Variants in PDXDC1 observed in about 807,000 individuals in gnomAD.
The protein encoded by PDXDC1 is pyridoxal dependent decarboxylase domain containing 1.
In PDXDC1, 42 loss-of-function variants were observed where a neutral mutation model predicts 100.1. The ratio of observed to expected loss-of-function variants is 0.42; its 90% CI spans 0.33 to 0.54. The LOEUF is 0.54. PDXDC1 is among the 20% of genes least tolerant of loss of function. The pLI, the probability that PDXDC1 is intolerant of heterozygous loss-of-function variation, is 0.10. For missense variants in PDXDC1, 636 were observed against 979.2 expected, an observed-to-expected ratio of 0.65 and a Z score of 4.68; for synonymous variants, 260 against 371.7, an observed-to-expected ratio of 0.70 and a Z score of 3.46.
chr16:15,029,644 A>G (rs1365712217), intron 15 of PDXDC1: 1 of 507,560 alleles, frequency 2.0e-6, no homozygotes, highest in Non-Finnish European at 3.4e-6. Flanking sequence ...CACTAGGAGA[A>G]AAGACGCTGG....
chr16:15,131,576 G>C (rs565034294), intron 16 of PDXDC1: 61 of 1,606,806 alleles, frequency 3.8e-5, no homozygotes, highest in Non-Finnish European at 4.4e-5. Flanking sequence ...ACGCGGGAGC[G>C]CGTGAGGATG....
intron 12 of PDXDC1, 105 bp from the exon 13 acceptor site, chr16:15,022,599 T>C (rs1170908504): frequency 2.0e-6 from 2 of 1,025,242 alleles, no homozygotes; most frequent in African/African-American, 1.6e-5. Context: ...GGCAGGTGAC[T>C]TTGCCTGACA....
chr16:15,124,958 C>G (rs1236416195), intron 16 of PDXDC1, among the ~76,000 whole-genome samples: 3 of 150,916 alleles, frequency 2.0e-5, no homozygotes, highest in African/African-American at 7.3e-5. Context: ...ACCAGCCTCA[C>G]CAACATGCTG....
intron 9 of PDXDC1, among the ~76,000 whole-genome samples, chr16:15,016,823 T>C (rs2041830622): frequency 1.3e-5 from 2 of 152,290 alleles, no homozygotes; most frequent in African/African-American, 2.4e-5. Flanking sequence ...GGGAGGTTTC[T>C]TTTTGATCCC....
intron 1 of PDXDC1, among the ~76,000 whole-genome samples, chr16:14,979,312 T>C (rs2151143387): frequency 6.6e-6 from 1 of 152,330 alleles, no homozygotes; most frequent in Non-Finnish European, 1.5e-5. Context: ...TTTTTTGAGA[T>C]GGAGTCTCCC....
chr16:15,104,410 TGTCTTG>T, intron 16 of PDXDC1: 2 of 1,449,958 alleles, frequency 1.4e-6, no homozygotes, highest in Non-Finnish European at 1.8e-6. Context: ...ACTTGGGAGG[TGTCTTG>T]AGATTATCAT....
Position 14,988,375 on chromosome 16 carries a change from T to G in PDXDC1, c.22-9378T>G. 1.9e-6 allele frequency: 3 copies of G among 1,614,298 alleles called. No individual in the cohort carries two copies. In the South Asian group the frequency reaches 3.3e-5, roughly 18 times the overall value. ...AAGAGGGTGATGAGGGAGGCCAAGC[T>G]GAACCAGAAGAGGAAGGGCAGCCCG... On this transcript the variant is annotated intron_variant, in intron 1 of 22. Transcript: ENST00000396410.
chr16:15,124,553 T>C (rs2047599921), intron 16 of PDXDC1, among the ~76,000 whole-genome samples: 1 of 149,958 alleles, frequency 6.7e-6, no homozygotes, highest in African/African-American at 2.4e-5. Context: ...GGTGGGCGGA[T>C]CACAAGGTCA....
At chr16:15,125,416 C>G (rs961399693) in intron 16 of PDXDC1, 2 of 809,226 alleles carry the variant, frequency 2.5e-6, no homozygotes, top group Non-Finnish European at 4.3e-6. Context: ...CCTGGGCTTC[C>G]GAGCAAACCT....
At chr16:15,070,526 C>A in intron 16 of PDXDC1, among the ~76,000 whole-genome samples, 1 of 152,166 alleles carries the variant, frequency 6.6e-6, no homozygotes. Flanking sequence ...AGCAGGTTCT[C>A]CTAACCATCT....
chr16:15,001,269 A>G (rs1034664843), intron 3 of PDXDC1, among the ~76,000 whole-genome samples: 7 of 152,264 alleles, frequency 4.6e-5, no homozygotes, highest in African/African-American at 1.4e-4. Flanking sequence ...AGGGTGGATC[A>G]CTTGAAGCCA....
intron 16 of PDXDC1, among the ~76,000 whole-genome samples, chr16:15,075,333 G>A (rs982777684): frequency 6.6e-5 from 10 of 151,980 alleles, no homozygotes; most frequent in African/African-American, 2.4e-4. Context: ...AACACTTTGG[G>A]AGGCCAAGGC....
chr16:15,146,906 G>A, the PDXDC1 span, among the ~76,000 whole-genome samples: 1 of 152,038 alleles, frequency 6.6e-6, no homozygotes, highest in African/African-American at 2.4e-5. Context: ...CCACTTTACA[G>A]GTGAGGAAAC....
chr16:15,031,934 T>A (rs770060811), intron 17 of PDXDC1, 28 bp downstream of exon 17: 1 of 1,558,164 alleles, frequency 6.4e-7, no homozygotes. Flanking sequence ...CGCTTGATGT[T>A]GGAGACTTTT....
chr16:15,054,572 G>C (rs1204269692), intron 16 of PDXDC1, among the ~76,000 whole-genome samples: 1 of 152,186 alleles, frequency 6.6e-6, no homozygotes, highest in African/African-American at 2.4e-5. Flanking sequence ...GCCTAGCTCG[G>C]TGCATGTTGG....
intron 16 of PDXDC1, chr16:15,056,040 G>GCCGCCCC (rs2044505378): frequency 3.0e-6 from 2 of 677,062 alleles, no homozygotes; most frequent in East Asian, 7.5e-5. Context: ...CGGGCCGCCC[G>GCCGCCCC]CCGCCCCCGC....
chr16:15,124,284 G>A (rs1326691004), intron 16 of PDXDC1, among the ~76,000 whole-genome samples: 1 of 152,160 alleles, frequency 6.6e-6, no homozygotes, highest in African/African-American at 2.4e-5. Context: ...CTTCCCACAG[G>A]CCTTCTGCCC....
At position 15,127,460 on chromosome 16, in the gene PDXDC1, C is replaced by T. The variant is rs1289276692; in HGVS notation, c.1400-11419C>T. The T allele has an allele frequency of 4.5e-6, 7 of 1,557,778 alleles. No homozygotes were observed. The African/African-American group carries it at 6.8e-5, about 15-fold the overall frequency. Reference sequence around the variant, plus strand: ...TTCCCAGTACTCCCCGGTCCCCAGCCCCAGCCCACCTTGCTCCGGGACATC... The same window carrying T: ...TTCCCAGTACTCCCCGGTCCCCAGCTCCAGCCCACCTTGCTCCGGGACATC... On this transcript the variant is annotated intron_variant, in intron 16 of 16. Coordinates refer to the PDXDC1 transcript ENST00000535621.
intron 17 of PDXDC1, chr16:15,032,288 G>A (rs895512249): frequency 1.8e-4 from 38 of 211,278 alleles, no homozygotes; most frequent in South Asian, 3.6e-4. Flanking sequence ...CTGCTTTCTC[G>A]CCTTCAGAGG....
Sources: gnomAD v4.1 joint callset for allele counts (sites outside exome capture counted in the v4.1 genomes callset) on GRCh38, gnomAD v4.1.1 for gene constraint, MANE v1.5 for transcripts, NCBI Gene and HGNC (gene_info 2026-07-23, HGNC 2026-07-21) for gene names.